LRMDA: variants seen among roughly 807,000 people sequenced by gnomAD.
LRMDA encodes leucine rich melanocyte differentiation associated.
LRMDA carries 18 observed loss-of-function variants against 29.8 expected under a neutral mutation model. The observed-to-expected ratio is 0.60, with a 90% CI of 0.42 to 0.90. The LOEUF (loss-of-function observed/expected upper bound fraction) is 0.90, where lower values mean the gene tolerates loss of function less well. LRMDA is among the 40% of genes least tolerant of loss of function. The pLI is 0.00. For missense variants in LRMDA, 273 were observed against 273.9 expected (o/e 1.00, Z 0.02); for synonymous variants, 125 against 109.4 (o/e 1.14, Z -0.89).
At chr10:75,803,775 A>G (rs911446533) in intron 2 of LRMDA, among the ~76,000 whole-genome samples, 3 of 152,234 alleles carry the variant, frequency 2.0e-5, no homozygotes, top group African/African-American at 4.8e-5. Flanking sequence ...TTTCAGGAGC[A>G]TGGAGTCCAA....
chr10:75,778,227 G>A (rs1331279154), intron 2 of LRMDA, among the ~76,000 whole-genome samples: 4 of 152,006 alleles, frequency 2.6e-5, no homozygotes, highest in East Asian at 1.9e-4. Context: ...ACAGGTGCAC[G>A]CCACCATGCC....
At chr10:75,829,055 T>G (rs1844293952) in intron 2 of LRMDA, among the ~76,000 whole-genome samples, 1 of 152,158 alleles carries the variant, frequency 6.6e-6, no homozygotes, top group South Asian at 2.1e-4. Flanking sequence ...CTAGGTTCTG[T>G]GTTATGAGAT....
chr10:75,533,055 A>G (rs1159591084), intron 2 of LRMDA, among the ~76,000 whole-genome samples: 1 of 152,216 alleles, frequency 6.6e-6, no homozygotes, highest in Non-Finnish European at 1.5e-5. Flanking sequence ...CAAAGAATGC[A>G]TTTTATAGCA....
chr10:75,875,015 C>A (rs956483981), intron 2 of LRMDA, among the ~76,000 whole-genome samples: 1 of 152,190 alleles, frequency 6.6e-6, no homozygotes, highest in Non-Finnish European at 1.5e-5. Flanking sequence ...AGGGCCACAT[C>A]GTCCTAGAAG....
chr10:75,519,384 T>C (rs1845329902), intron 2 of LRMDA, among the ~76,000 whole-genome samples: 1 of 152,232 alleles, frequency 6.6e-6, no homozygotes, highest in South Asian at 2.1e-4. Flanking sequence ...TGGGTGCATA[T>C]GTATTTAGGG....
rs571107523 is a variant in LRMDA at position 75,887,650 on chromosome 10, CAT to C, written c.132-148355_132-148354del. ...CAACTTCAGATTTGTGTCATTGTGA[CAT>C]ATGCTTTATGGCCTGCAAAGTCTAA... On this transcript the variant is annotated intron_variant, in intron 2 of 6. Coordinates refer to ENST00000611255, the MANE Select transcript of LRMDA (RefSeq NM_001305581.2). Among the ~76,000 whole-genome samples, 13 of 152,236 alleles carry C rather than the reference CAT, an allele frequency of 8.5e-5. No homozygotes were observed. The East Asian group carries it at 2.3e-3, about 27-fold the overall frequency.
chr10:76,033,502 C>T (rs1157716380), intron 2 of LRMDA, among the ~76,000 whole-genome samples: 4 of 152,104 alleles, frequency 2.6e-5, no homozygotes, highest in Non-Finnish European at 5.9e-5. Context: ...CTTGGTGCTC[C>T]TGGGCTCTCC....
At chr10:76,445,100 T>C (rs1183459835) in intron 6 of LRMDA, among the ~76,000 whole-genome samples, 1 of 152,122 alleles carries the variant, frequency 6.6e-6, no homozygotes, top group Non-Finnish European at 1.5e-5. Flanking sequence ...CTCTCAAGGA[T>C]CTAGAGGGCA....
chr10:76,115,159 T>C (rs1171400627), intron 5 of LRMDA, among the ~76,000 whole-genome samples: 1 of 152,232 alleles, frequency 6.6e-6, no homozygotes, highest in Admixed American at 6.5e-5. Flanking sequence ...AGTGCCTGTT[T>C]TAATGAATCA....
intron 5 of LRMDA, among the ~76,000 whole-genome samples, chr10:76,249,070 T>C (rs1348187255): frequency 6.6e-6 from 1 of 152,220 alleles, no homozygotes; most frequent in African/African-American, 2.4e-5. Context: ...CAAGGACTCA[T>C]ATCCTGTTTG....
chr10:75,567,520 T>A (rs1167733412), intron 2 of LRMDA, among the ~76,000 whole-genome samples: 2 of 152,220 alleles, frequency 1.3e-5, no homozygotes, highest in African/African-American at 4.8e-5. Flanking sequence ...GTTTTTTGAC[T>A]TAACAGATAA....
chr10:75,794,832 G>A (rs1843625076), intron 2 of LRMDA, among the ~76,000 whole-genome samples: 1 of 151,910 alleles, frequency 6.6e-6, no homozygotes, highest in African/African-American at 2.4e-5. Flanking sequence ...TACATCCTAT[G>A]TCTATATTTA....
chr10:76,502,040 G>A (rs1407899067), intron 6 of LRMDA, among the ~76,000 whole-genome samples: 1 of 151,920 alleles, frequency 6.6e-6, no homozygotes, highest in East Asian at 1.9e-4. Flanking sequence ...TTTTACATGT[G>A]GTGAAGGGTA....
chr10:75,822,456 A>G (rs1392112205), intron 2 of LRMDA, among the ~76,000 whole-genome samples: 3 of 152,206 alleles, frequency 2.0e-5, no homozygotes, highest in Admixed American at 2.0e-4. Flanking sequence ...CAGAATTTAA[A>G]AAAAAACTTA....
chr10:76,417,510 C>A (rs1371500028), intron 6 of LRMDA, among the ~76,000 whole-genome samples: 2 of 151,766 alleles, frequency 1.3e-5, no homozygotes, highest in Non-Finnish European at 2.9e-5. Flanking sequence ...CTGCCCCCCA[C>A]AAACTCTCTC....
chr10:75,731,644 A>G (rs1003552020), intron 2 of LRMDA, among the ~76,000 whole-genome samples: 4 of 152,238 alleles, frequency 2.6e-5, no homozygotes, highest in Non-Finnish European at 5.9e-5. Flanking sequence ...TAAGTCCTCT[A>G]TAGTCCTTTC....
At chr10:76,107,017 G>A (rs553143072) in intron 5 of LRMDA, among the ~76,000 whole-genome samples, 10 of 152,290 alleles carry the variant, frequency 6.6e-5, no homozygotes, top group African/African-American at 2.4e-4. Flanking sequence ...CAGACGCAAC[G>A]AGAGCTTCAC....
chr10:76,258,437 C>T (rs1298326087), intron 5 of LRMDA, among the ~76,000 whole-genome samples: 2 of 152,088 alleles, frequency 1.3e-5, no homozygotes, highest in Non-Finnish European at 2.9e-5. Context: ...TCATCGCAAA[C>T]ATTTTTCATT....
At chr10:76,024,186 A>G (rs1383504178) in intron 2 of LRMDA, among the ~76,000 whole-genome samples, 2 of 152,192 alleles carry the variant, frequency 1.3e-5, no homozygotes, top group African/African-American at 4.8e-5. Context: ...CTATGAAAAC[A>G]CCACACTGGC....
Sources: allele counts gnomAD v4.1 joint callset (sites outside exome capture counted in the v4.1 genomes callset), GRCh38; gene constraint gnomAD v4.1.1; transcripts MANE v1.5; gene names NCBI Gene and HGNC (gene_info 2026-07-23, HGNC 2026-07-21).